Variants in ACTR3C observed in about 807,000 individuals in gnomAD.
ACTR3C encodes actin related protein 3C.
In ACTR3C, 18 loss-of-function variants were observed where a neutral mutation model predicts 26.3. The ratio of observed to expected loss-of-function variants is 0.68; its 90% CI spans 0.47 to 1.01. The LOEUF (loss-of-function observed/expected upper bound fraction) is 1.01, where lower values mean the gene tolerates loss of function less well. ACTR3C is among the 50% of genes least tolerant of loss of function. The pLI is 0.00. For missense variants in ACTR3C, 184 were observed against 250.7 expected, an observed-to-expected ratio of 0.73 and a Z score of 1.80; for synonymous variants, 55 against 94.5, an observed-to-expected ratio of 0.58 and a Z score of 2.42.
the ACTR3C span, among the ~76,000 whole-genome samples, chr7:149,992,285 CT>C: frequency 1.3e-5 from 2 of 152,242 alleles, no homozygotes; most frequent in African/African-American, 4.8e-5. Context: ...GTCATGGGAT[CT>C]TTGAAATATG....
At chr7:150,203,787 G>A in the ACTR3C span, among the ~76,000 whole-genome samples, 8 of 151,978 alleles carry the variant, frequency 5.3e-5, no homozygotes, top group Non-Finnish European at 1.0e-4. Context: ...GGCTGGTCTC[G>A]AACTCTTGAC....
At chr7:149,920,015 T>A in the ACTR3C span, among the ~76,000 whole-genome samples, 1 of 148,702 alleles carries the variant, frequency 6.7e-6, no homozygotes, top group African/African-American at 2.5e-5. Context: ...TTGACATTTT[T>A]AAGGTTGAGT....
the ACTR3C span, among the ~76,000 whole-genome samples, chr7:150,036,915 C>T: frequency 1.8e-5 from 2 of 110,136 alleles, no homozygotes; most frequent in African/African-American, 3.4e-5. Context: ...GAGTGCCTCC[C>T]CCCTCTGCGA....
At chr7:150,175,822 A>AAAAAAAAAAAAAAG in the ACTR3C span, among the ~76,000 whole-genome samples, 1 of 149,020 alleles carries the variant, frequency 6.7e-6, no homozygotes, top group Non-Finnish European at 1.5e-5. Flanking sequence ...GAACAAAAAA[A>AAAAAAAAAAAAAAG]AAAAAAAAAA....
At chr7:149,966,752 C>T in the ACTR3C span, among the ~76,000 whole-genome samples, 1 of 152,202 alleles carries the variant, frequency 6.6e-6, no homozygotes. Flanking sequence ...TCCCTGCCAA[C>T]AGCTTTGGCT....
the ACTR3C span, among the ~76,000 whole-genome samples, chr7:149,887,768 C>T: frequency 3.1e-3 from 457 of 148,110 alleles, 9 homozygotes; most frequent in South Asian, 0.056. Context: ...CAGAATTCCC[C>T]TGTGTTGTGG....
chr7:149,887,346 A>G, the ACTR3C span, among the ~76,000 whole-genome samples: 30 of 152,374 alleles, frequency 2.0e-4, no homozygotes, highest in Admixed American at 2.0e-4. Flanking sequence ...AGCAAATTCA[A>G]ACAGCAATGT....
At chr7:150,013,340 G>A in the ACTR3C span, among the ~76,000 whole-genome samples, 4 of 151,752 alleles carry the variant, frequency 2.6e-5, no homozygotes, top group Non-Finnish European at 5.9e-5. Flanking sequence ...GTTATACTAG[G>A]CTTCTTGGGA....
chr7:149,912,588 C>T, the ACTR3C span, among the ~76,000 whole-genome samples: 7,247 of 149,180 alleles, frequency 0.049, 176 homozygotes, highest in Middle Eastern at 0.065. Flanking sequence ...CTGCAACCTC[C>T]GCCTTTCTGT....
At chr7:150,063,956 GT>G in the ACTR3C span, among the ~76,000 whole-genome samples, 1 of 151,910 alleles carries the variant, frequency 6.6e-6, no homozygotes, top group African/African-American at 2.4e-5. Context: ...CAAAGCGGCA[GT>G]TTTGCTTGGA....
At chr7:150,142,002 G>A in the ACTR3C span, among the ~76,000 whole-genome samples, 1 of 152,124 alleles carries the variant, frequency 6.6e-6, no homozygotes, top group Non-Finnish European at 1.5e-5. Flanking sequence ...TGTTCCTGCT[G>A]TCCTCCAGCC....
chr7:150,029,485 T>G, the ACTR3C span, among the ~76,000 whole-genome samples: 5 of 151,594 alleles, frequency 3.3e-5, no homozygotes, highest in Admixed American at 6.6e-5. Flanking sequence ...GAAGATCGCT[T>G]GAGCCCAGGA....
chr7:149,996,717 A>C, the ACTR3C span, among the ~76,000 whole-genome samples: 2 of 148,288 alleles, frequency 1.3e-5, no homozygotes, highest in African/African-American at 4.9e-5. Flanking sequence ...TGGCATCTTA[A>C]ACTTTACAAA....
the ACTR3C span, among the ~76,000 whole-genome samples, chr7:150,177,260 A>G: frequency 2.7e-5 from 4 of 150,714 alleles, no homozygotes; most frequent in African/African-American, 7.5e-5. Flanking sequence ...TTCATTTTGT[A>G]GTTAACTAAT....
the ACTR3C span, among the ~76,000 whole-genome samples, chr7:150,135,751 A>G: frequency 1.3e-5 from 2 of 151,410 alleles, no homozygotes; most frequent in South Asian, 4.2e-4. Context: ...ACGATTAACC[A>G]AAGTCTGAAC....
the ACTR3C span, among the ~76,000 whole-genome samples, chr7:149,963,316 T>G: frequency 5.9e-5 from 9 of 152,324 alleles, no homozygotes; most frequent in Non-Finnish European, 1.3e-4. Context: ...TTTTTCCTGT[T>G]GAACACACAT....
At chr7:150,124,466 C>G in the ACTR3C span, among the ~76,000 whole-genome samples, 4 of 152,132 alleles carry the variant, frequency 2.6e-5, no homozygotes, top group Admixed American at 2.0e-4. Flanking sequence ...AGCTGGATCG[C>G]ATTTCCACAC....
the ACTR3C span, among the ~76,000 whole-genome samples, chr7:150,180,194 A>C: frequency 6.7e-5 from 10 of 150,088 alleles, no homozygotes; most frequent in East Asian, 1.4e-3. Flanking sequence ...AGTCCCAGCT[A>C]CTCGGGAGGC....
the ACTR3C span, among the ~76,000 whole-genome samples, chr7:150,171,521 A>G: frequency 6.6e-6 from 1 of 150,576 alleles, no homozygotes; most frequent in Non-Finnish European, 1.5e-5. Flanking sequence ...AAATGTCTAC[A>G]TTAGAATAGA....
Sources: allele counts gnomAD v4.1 joint callset (sites outside exome capture counted in the v4.1 genomes callset), GRCh38; gene constraint gnomAD v4.1.1; transcripts MANE v1.5; gene names NCBI Gene and HGNC (gene_info 2026-07-23, HGNC 2026-07-21).